Variants in ICA1L observed in about 807,000 individuals in gnomAD.
ICA1L encodes the protein islet cell autoantigen 1-like protein.
A neutral mutation model predicts 61.3 loss-of-function variants in ICA1L; 50 were observed. The observed-to-expected ratio is 0.82, with a 90% CI of 0.65 to 1.03. ICA1L has a LOEUF of 1.03. Among genes scored for constraint, ICA1L ranks in the 50% least tolerant of loss-of-function variants. ICA1L has a pLI of 0.00. For missense variants in ICA1L, 508 were observed against 556.7 expected, an observed-to-expected ratio of 0.91 and a Z score of 0.88; for synonymous variants, 161 against 191.3, an observed-to-expected ratio of 0.84 and a Z score of 1.31.
In ICA1L at chr2:202,775,837, C is replaced by A. The variant is rs1692203277; in HGVS notation, c.*3696G>T. 2 of 152,158 alleles carry A rather than the reference C, an allele frequency of 1.3e-5. No individual in the cohort carries two copies. The highest frequency in any genetic ancestry group is 4.1e-4 in the South Asian group (2 of 4,824). 9.4% of individuals were successfully genotyped at this position (152,158 alleles called of 1,614,324 possible). A position where few individuals can be genotyped will look rare whatever the true frequency, so the allele number is the denominator to read the frequency against. On this transcript the variant is annotated 3_prime_UTR_variant, in exon 13 of 13. Coordinates refer to ENST00000358299, the MANE Select transcript of ICA1L (RefSeq NM_001288622.3). Reference sequence around the variant, plus strand: ...CTGGCCTTACAAGGATATTAATTGCCCTGGTTTTATTTTCGTTCTCCCATG... The same window carrying A: ...CTGGCCTTACAAGGATATTAATTGCACTGGTTTTATTTTCGTTCTCCCATG...
intron 10 of ICA1L, among the ~76,000 whole-genome samples, chr2:202,791,524 G>A (rs138457320): frequency 0.013 from 1,965 of 152,292 alleles, 18 homozygotes; most frequent in Non-Finnish European, 0.018. Flanking sequence ...TCAGTCACTG[G>A]AGAAATGCAA....
intron 9 of ICA1L, among the ~76,000 whole-genome samples, chr2:202,809,365 A>G (rs1274365895): frequency 6.6e-6 from 1 of 151,888 alleles, no homozygotes; most frequent in African/African-American, 2.4e-5. Context: ...AGAAAAGAGA[A>G]TAGGCCAGGT....
In ICA1L at chr2:202,815,951, G is replaced by T; in HGVS notation, c.743C>A (p.Ala248Asp). Reference protein sequence around the residue: ...TARMMSQIHEACIGFHPYDFV... With the variant: ...TARMMSQIHEDCIGFHPYDFV... ...ATCATACGGATGAAAGCCAATACAG[G>T]CTTCATGAATTTGGGACATCATTCG... Residue 248 changes from alanine to aspartate, a missense_variant, in exon 7 of 13, where the codon GCC becomes GAC. Ala to Asp is a moderately radical substitution (Grantham distance 126, BLOSUM62 -2). Transcript: ENST00000358299. 1 of 1,604,426 alleles carries T rather than the reference G, an allele frequency of 6.2e-7. No homozygotes were observed. Among genetic ancestry groups the T allele is most frequent in the Non-Finnish European group, 8.5e-7 (1 of 1,176,186 alleles).
chr2:202,831,857 C>T (rs987455198), intron 1 of ICA1L, among the ~76,000 whole-genome samples: 1 of 152,128 alleles, frequency 6.6e-6, no homozygotes, highest in African/African-American at 2.4e-5. Context: ...AGGCAGGAAG[C>T]CAAGTCTTAC....
chr2:202,813,825 G>A (rs923962337), intron 8 of ICA1L, among the ~76,000 whole-genome samples: 8 of 152,210 alleles, frequency 5.3e-5, no homozygotes, highest in African/African-American at 1.4e-4. Context: ...GCAACAGCCC[G>A]TATTTTCAGG....
chr2:202,779,539 A>G lies in ICA1L; in HGVS notation c.1443T>C (p.Asn481=). Reference sequence around the variant, plus strand: ...AGTGACATTATAACTTCAGTCAAGCATTAAGAAGTTCATCATCTGAGTGTC... The same window carrying G: ...AGTGACATTATAACTTCAGTCAAGCGTTAAGAAGTTCATCATCTGAGTGTC... The part of the protein sequence containing the change: ...AIGHSDDELL[N]A Residue 481 remains asparagine (N), a synonymous_variant, in exon 13 of 13, where the codon AAT becomes AAC. Transcript: ENST00000358299. 1 of 1,583,354 alleles carries G rather than the reference A, an allele frequency of 6.3e-7. No homozygotes were observed.
intron 4 of ICA1L, among the ~76,000 whole-genome samples, chr2:202,821,128 C>T (rs546000999): frequency 1.9e-4 from 29 of 152,130 alleles, no homozygotes; most frequent in Non-Finnish European, 3.8e-4. Flanking sequence ...AAATACAGGC[C>T]TAAAGGTTAT....
At chr2:202,797,483 A>C (rs2105830525) in intron 9 of ICA1L, among the ~76,000 whole-genome samples, 1 of 152,248 alleles carries the variant, frequency 6.6e-6, no homozygotes, top group Admixed American at 6.5e-5. Context: ...AAATTTAGCT[A>C]ATTAACATTT....
chr2:202,839,558 C>CTGTGTGTGTGTGTGTGTGTGTG (rs57535958), intron 1 of ICA1L, among the ~76,000 whole-genome samples: 2 of 114,432 alleles, frequency 1.7e-5, no homozygotes, highest in African/African-American at 7.6e-5. Context: ...ACAGTTAAGT[C>CTGTGTGTGTGTGTGTGTGTGTG]TGTGTGTGTG....
At chr2:202,841,017 T>C (rs1262773621) in intron 1 of ICA1L, 1 of 667,270 alleles carries the variant, frequency 1.5e-6, no homozygotes. Flanking sequence ...GCTGTCCATG[T>C]CCAGGGAGTG....
chr2:202,779,519 CATT>C lies in ICA1L; in HGVS notation c.*11_*13del, dbSNP rs781539898. The C allele has an allele frequency of 1.1e-4, 168 of 1,463,286 alleles. No individual in the cohort carries two copies. The African/African-American group carries it at 2.0e-3, about 18-fold the overall frequency. 90.6% of individuals were successfully genotyped at this position (1,463,286 alleles called of 1,614,324 possible). A position where few individuals can be genotyped will look rare whatever the true frequency, so the allele number is the denominator to read the frequency against. On this transcript the variant is annotated 3_prime_UTR_variant, in exon 13 of 13. Coordinates refer to ENST00000358299, the MANE Select transcript of ICA1L (RefSeq NM_001288622.3). ...TGATGTCTCAAGGCCACTGAAGTGA[CATT>C]ATAACTTCAGTCAAGCATTAAGAAG...
At position 202,774,549 on chromosome 2, in the gene ICA1L, A is replaced by T; in HGVS notation, c.*4984T>A. The T allele has an allele frequency of 2.5e-6, 1 of 397,094 alleles. No individual in the cohort carries two copies. The highest frequency in any genetic ancestry group is 4.5e-6 in the Non-Finnish European group (1 of 224,398). The allele number at this position is 397,094 out of a possible 1,614,324, so 24.6% of individuals were successfully genotyped here. A position where few individuals can be genotyped will look rare whatever the true frequency, so the allele number is the denominator to read the frequency against. On this transcript the variant is annotated 3_prime_UTR_variant, in exon 13 of 13. Coordinates refer to ENST00000358299, the MANE Select transcript of ICA1L (RefSeq NM_001288622.3). ...TATCACAGGAGAGACACAGGAAAAA[A>T]AGTTGTAATATACTCACAGGTCCTA... is the stretch of plus-strand genomic sequence containing the variant.
rs1475802542 is a variant in ICA1L, at chr2:202,839,320, G to C, written c.-7-10304C>G. On this transcript the variant is annotated intron_variant, in intron 1 of 12. Transcript: ENST00000358299. ...TCGAGACCGTCCTGGCTAACAAGGT[G>C]AAACCCCGTCTCTACTAAAAATATA... is the stretch of plus-strand genomic sequence containing the variant. 3.3e-5 allele frequency among the ~76,000 whole-genome samples: 5 copies of C among 152,060 alleles called. No homozygotes were observed. The East Asian group carries it at 9.7e-4, about 29-fold the overall frequency.
At chr2:202,784,305 C>T (rs367579519) in intron 12 of ICA1L, among the ~76,000 whole-genome samples, 6 of 152,056 alleles carry the variant, frequency 3.9e-5, no homozygotes, top group Non-Finnish European at 7.4e-5. Context: ...ATTGGCCAGG[C>T]GTGGTGGTAC....
intron 3 of ICA1L, among the ~76,000 whole-genome samples, chr2:202,822,458 G>A (rs1258474531): frequency 6.6e-6 from 1 of 152,142 alleles, no homozygotes; most frequent in African/African-American, 2.4e-5. Flanking sequence ...ACGAGTCACA[G>A]TGCTCAGCTA....
At chr2:202,812,785 GT>G (rs1278481931) in intron 8 of ICA1L, among the ~76,000 whole-genome samples, 6 of 151,982 alleles carry the variant, frequency 3.9e-5, no homozygotes. Context: ...ATAGTATTAT[GT>G]TTTTTTAAAC....
intron 1 of ICA1L, chr2:202,870,759 G>A (rs1291348820): frequency 6.6e-6 from 1 of 152,194 alleles, no homozygotes; most frequent in Admixed American, 6.5e-5. Context: ...GAGACCCATA[G>A]TTTATAACAG....
chr2:202,868,695 G>A lies in ICA1L; in HGVS notation c.-8+2924C>T, dbSNP rs373313827. 5.9e-5 allele frequency among the ~76,000 whole-genome samples: 9 copies of A among 152,240 alleles called. No individual in the cohort carries two copies. In the East Asian group the frequency reaches 1.4e-3, roughly 23 times the overall value. ...ATATAAAACAATTAAGGCCGGGCGC[G>A]GTGGCTCACGCCTGTAATCCCAGCA... On this transcript the variant is annotated intron_variant, in intron 1 of 12. Transcript: ENST00000358299.
intron 9 of ICA1L, among the ~76,000 whole-genome samples, chr2:202,798,010 A>C (rs1272411425): frequency 6.6e-6 from 1 of 152,050 alleles, no homozygotes; most frequent in Non-Finnish European, 1.5e-5. Flanking sequence ...TAGATTCCAC[A>C]TGTAAGTGAG....
Sources: allele counts gnomAD v4.1 joint callset (sites outside exome capture counted in the v4.1 genomes callset), GRCh38; gene constraint gnomAD v4.1.1; transcripts MANE v1.5; gene names NCBI Gene and HGNC (gene_info 2026-07-23, HGNC 2026-07-21).